The following PTPRK variants were observed in gnomAD, a reference collection of about 807,000 sequenced individuals.
The protein encoded by PTPRK is receptor-type tyrosine-protein phosphatase kappa.
A neutral mutation model predicts 178.0 loss-of-function variants in PTPRK; 75 were observed. That is an observed-to-expected ratio of 0.42 (90% confidence interval 0.35 to 0.51). The LOEUF (loss-of-function observed/expected upper bound fraction) is 0.51. Ranked by LOEUF, PTPRK falls within the 20% of genes least tolerant of loss-of-function variation. PTPRK has a pLI of 0.02. For synonymous variants in PTPRK, 637 were observed against 620.6 expected, an observed-to-expected ratio of 1.03 and a Z score of -0.39; for missense variants, 1,441 against 1,797.8, an observed-to-expected ratio of 0.80 and a Z score of 3.59.
rs9385463 is a variant in PTPRK, at chr6:128,519,557, G to T, written c.100+702C>A. ...GAGCGGGCTCCCACGCGCGAGTCAG[G>T]CTTCCTCCACCAGGCGCCCAGACCT... On this transcript the variant is annotated intron_variant, in intron 1 of 29. Transcript: ENST00000368226. The surrounding 1 kb of genome is among the most constrained non-coding windows in gnomAD (Gnocchi z 4.3). Among the ~76,000 whole-genome samples, 958 of 152,256 alleles carry T rather than the reference G, an allele frequency of 6.3e-3. 4 individuals carry two copies. Among genetic ancestry groups the T allele is most frequent in the African/African-American group, 6.3e-3 (260 of 41,560 alleles).
At chr6:128,138,749 C>T (rs2114498846) in intron 7 of PTPRK, among the ~76,000 whole-genome samples, 1 of 152,152 alleles carries the variant, frequency 6.6e-6, no homozygotes, top group East Asian at 1.9e-4. Flanking sequence ...GTCTTTACAG[C>T]ATCAGCAATA....
At chr6:128,042,572 T>C (rs563852134) in intron 13 of PTPRK, among the ~76,000 whole-genome samples, 1 of 152,106 alleles carries the variant, frequency 6.6e-6, no homozygotes, top group Non-Finnish European at 1.5e-5. Flanking sequence ...TTCTGCTACC[T>C]CACATGTATC....
At chr6:128,253,684 G>GTA (rs1816838129) in intron 3 of PTPRK, among the ~76,000 whole-genome samples, 1 of 152,234 alleles carries the variant, frequency 6.6e-6, no homozygotes, top group Admixed American at 6.5e-5. Context: ...AACTATATTT[G>GTA]AAAAATAATG....
chr6:128,514,099 G>T (rs1263615943), intron 1 of PTPRK, among the ~76,000 whole-genome samples: 5 of 152,150 alleles, frequency 3.3e-5, no homozygotes, highest in Non-Finnish European at 7.4e-5. Context: ...TAAGGAACAG[G>T]CTGCACTGGG....
At chr6:128,110,403 G>A (rs1790453788) in intron 7 of PTPRK, among the ~76,000 whole-genome samples, 1 of 152,126 alleles carries the variant, frequency 6.6e-6, no homozygotes, top group Non-Finnish European at 1.5e-5. Flanking sequence ...TCTTTTGGAA[G>A]TAGTAGCCGA....
chr6:128,432,606 A>C (rs2128394748), intron 1 of PTPRK, among the ~76,000 whole-genome samples: 1 of 152,312 alleles, frequency 6.6e-6, no homozygotes, highest in East Asian at 1.9e-4. Context: ...AAACTATTTT[A>C]AGTGAGTCAT....
At chr6:128,398,725 A>C (rs1359644691) in intron 1 of PTPRK, among the ~76,000 whole-genome samples, 3 of 152,168 alleles carry the variant, frequency 2.0e-5, no homozygotes, top group African/African-American at 7.2e-5. Flanking sequence ...CACAATTATG[A>C]TTTAAAAGGT....
chr6:128,066,480 A>C (rs1338677365), intron 12 of PTPRK, among the ~76,000 whole-genome samples: 3 of 131,828 alleles, frequency 2.3e-5, no homozygotes, highest in Admixed American at 8.6e-5. Flanking sequence ...GAAATGCAAA[A>C]GGATTGTTAT....
At chr6:128,309,916 T>A (rs1826985320) in intron 3 of PTPRK, among the ~76,000 whole-genome samples, 1 of 152,056 alleles carries the variant, frequency 6.6e-6, no homozygotes, top group Non-Finnish European at 1.5e-5. Flanking sequence ...GTCTTTCTAG[T>A]AGAGGTAATA....
At chr6:128,179,407 A>C (rs1346976477) in intron 7 of PTPRK, among the ~76,000 whole-genome samples, 1 of 152,010 alleles carries the variant, frequency 6.6e-6, no homozygotes, top group African/African-American at 2.4e-5. Context: ...TTATTCTTAC[A>C]TTCCCAAGAA....
intron 1 of PTPRK, among the ~76,000 whole-genome samples, chr6:128,505,699 T>G (rs2128440011): frequency 6.6e-6 from 1 of 152,308 alleles, no homozygotes; most frequent in African/African-American, 2.4e-5. Context: ...GAAGTTTGTG[T>G]CAATTAAAGC....
intron 27 of PTPRK, among the ~76,000 whole-genome samples, chr6:127,976,122 T>A (rs1244577249): frequency 1.3e-5 from 2 of 152,150 alleles, no homozygotes; most frequent in Non-Finnish European, 2.9e-5. Flanking sequence ...TACCTTTAGA[T>A]CTGCTTAGAG....
intron 2 of PTPRK, among the ~76,000 whole-genome samples, chr6:128,385,248 C>A (rs907707240): frequency 6.6e-6 from 1 of 151,950 alleles, no homozygotes; most frequent in Admixed American, 6.6e-5. Flanking sequence ...TTCAAGAGGT[C>A]TTTTCTTCTA....
At chr6:128,476,175 T>C (rs1851350272) in intron 1 of PTPRK, among the ~76,000 whole-genome samples, 1 of 152,038 alleles carries the variant, frequency 6.6e-6, no homozygotes. Context: ...ACAGCACTTT[T>C]CCCCTCATAT....
chr6:128,077,369 C>T (rs1306141824), intron 11 of PTPRK, among the ~76,000 whole-genome samples: 1 of 152,042 alleles, frequency 6.6e-6, no homozygotes, highest in Non-Finnish European at 1.5e-5. Flanking sequence ...ATTACAAGTA[C>T]ACCCTCAGCC....
At chr6:127,992,262 C>T (rs916965066) in intron 19 of PTPRK, among the ~76,000 whole-genome samples, 1 of 151,684 alleles carries the variant, frequency 6.6e-6, no homozygotes, top group Non-Finnish European at 1.5e-5. Context: ...CAAAAAATTG[C>T]TCAGTATAAC....
At chr6:128,267,994 A>G (rs191869389) in intron 3 of PTPRK, among the ~76,000 whole-genome samples, 22 of 152,164 alleles carry the variant, frequency 1.4e-4, no homozygotes, top group African/African-American at 5.1e-4. Flanking sequence ...CAGCTAAAAT[A>G]TATACGGAAC....
chr6:128,221,536 AAT>A (rs897578509), intron 5 of PTPRK, among the ~76,000 whole-genome samples: 20 of 149,284 alleles, frequency 1.3e-4, no homozygotes, highest in African/African-American at 4.7e-4. Flanking sequence ...AAAAAAAAAA[AAT>A]AATAATAATA....
intron 7 of PTPRK, among the ~76,000 whole-genome samples, chr6:128,122,202 C>A (rs1792583619): frequency 6.6e-6 from 1 of 151,936 alleles, no homozygotes; most frequent in South Asian, 2.1e-4. Flanking sequence ...ATTTTTAAGT[C>A]TTTGGGGGAA....
Sources: gnomAD v4.1 joint callset for allele counts (sites outside exome capture counted in the v4.1 genomes callset) on GRCh38, gnomAD v4.1.1 for gene constraint, Gnocchi (gnomAD v3.1) non-coding constraint, MANE v1.5 for transcripts, NCBI Gene and HGNC (gene_info 2026-07-23, HGNC 2026-07-21) for gene names.